ITPKC: variants seen among roughly 807,000 people sequenced by gnomAD.
The protein encoded by ITPKC is inositol-trisphosphate 3-kinase C.
A neutral mutation model predicts 67.1 loss-of-function variants in ITPKC; 33 were observed. The observed-to-expected ratio is 0.49, with a 90% CI of 0.37 to 0.66. The LOEUF (loss-of-function observed/expected upper bound fraction) is 0.66, where lower values mean the gene tolerates loss of function less well. Among genes scored for constraint, ITPKC ranks in the 30% least tolerant of loss-of-function variants. ITPKC has a pLI of 0.00. For missense variants in ITPKC, 820 were observed against 892.1 expected (o/e 0.92, Z 1.03); for synonymous variants, 341 against 359.8 (o/e 0.95, Z 0.59).
At chr19:40,725,293 C>A in intron 1 of ITPKC, 47 bp from the exon 2 acceptor site, 2 of 1,280,124 alleles carry the variant, frequency 1.6e-6, no homozygotes, top group Non-Finnish European at 2.3e-6. Flanking sequence ...CTAGCCCCTG[C>A]CTTCCCTGGC....
At position 40,722,009 on chromosome 19, in the gene ITPKC, A is replaced by C. The variant is rs1033031226; in HGVS notation, c.1156-3331A>C. On this transcript the variant is annotated intron_variant, in intron 1 of 6. Transcript: ENST00000263370. Reference sequence around the variant, plus strand: ...GAGTGAGATCCTGTCTCAAAAAAAAAAAAAATTACTATTAAAAAAATCCCA... The same window carrying C: ...GAGTGAGATCCTGTCTCAAAAAAAACAAAAATTACTATTAAAAAAATCCCA... Among the ~76,000 whole-genome samples, 4 of 151,792 alleles carry C rather than the reference A, an allele frequency of 2.6e-5. No homozygotes were observed. The Middle Eastern group carries it at 0.014, about 516-fold the overall frequency.
rs1440242955 is a variant in ITPKC at position 40,739,743 on chromosome 19, C to CCTGG, written c.*185_*188dup. 5 of 595,870 alleles carry CCTGG rather than the reference C, an allele frequency of 8.4e-6. No homozygotes were observed. Among genetic ancestry groups the CCTGG allele is most frequent in the Non-Finnish European group, 1.5e-5 (5 of 336,346 alleles). 36.9% of individuals were successfully genotyped at this position (595,870 alleles called of 1,614,324 possible). On this transcript the variant is annotated 3_prime_UTR_variant, in exon 7 of 7. Transcript: ENST00000263370. Reference sequence around the variant, plus strand: ...AAGGGCCTTGGGAGACCAGGTAGCACCTGGCCCCATCATGATGCAGGGGTT... The same window carrying CCTGG: ...AAGGGCCTTGGGAGACCAGGTAGCACCTGGCTGGCCCCATCATGATGCAGGGGTT...
chr19:40,729,137 C>A, intron 2 of ITPKC, 65 bp from the exon 3 acceptor site: 3 of 1,284,448 alleles, frequency 2.3e-6, no homozygotes, highest in Non-Finnish European at 2.3e-6. Context: ...TGCAAACAGG[C>A]AGCTGCGGAG....
chr19:40,718,370 C>T (rs1279194094), intron 1 of ITPKC, 80 bp downstream of exon 1: 13 of 1,463,534 alleles, frequency 8.9e-6, no homozygotes, highest in South Asian at 1.5e-5. Context: ...AAGTTCTCTA[C>T]CCATTTACTG....
Position 40,740,423 on chromosome 19 carries a change from T to C in ITPKC, c.*863T>C. ...GGTTCAGAGGCTGGGAAAGTGGGCC[T>C]CCCCTTGCAACTCAGAGCTGCTGCA... On this transcript the variant is annotated 3_prime_UTR_variant, in exon 7 of 7. Coordinates refer to ENST00000263370, the MANE Select transcript of ITPKC (RefSeq NM_025194.3). 5.5e-6 allele frequency: 1 copy of C among 183,472 alleles called. No homozygotes were observed. Among genetic ancestry groups the C allele is most frequent in the East Asian group, 1.3e-4 (1 of 7,964 alleles). The allele number at this position is 183,472 out of a possible 1,614,324, so 11.4% of individuals were successfully genotyped here.
intron 3 of ITPKC, among the ~76,000 whole-genome samples, chr19:40,731,617 T>TTTTTTTG (rs796649467): frequency 1.2e-4 from 16 of 135,354 alleles, no homozygotes; most frequent in Middle Eastern, 4.5e-3. Context: ...TTTTTTTTTT[T>TTTTTTTG]TTTGAGAGGG....
At chr19:40,731,101 G>A (rs1374391956) in intron 3 of ITPKC, among the ~76,000 whole-genome samples, 1 of 152,126 alleles carries the variant, frequency 6.6e-6, no homozygotes, top group Non-Finnish European at 1.5e-5. Flanking sequence ...AATAACTCAG[G>A]GGGATACTTA....
Position 40,740,665 on chromosome 19 carries a change from C to T in ITPKC, c.*1105C>T, listed in dbSNP as rs2082324856. 3.3e-6 allele frequency: 1 copy of T among 303,684 alleles called. No individual in the cohort carries two copies. Among genetic ancestry groups the T allele is most frequent in the Non-Finnish European group, 6.1e-6 (1 of 164,810 alleles). The allele number at this position is 303,684 out of a possible 1,614,324, so 18.8% of individuals were successfully genotyped here. A position where few individuals can be genotyped will look rare whatever the true frequency, so the allele number is the denominator to read the frequency against. Reference sequence around the variant, plus strand: ...GCTGGGCTGGCGGACAGGCACCTACCTCTTCCTTAAGCTGAAGCTCCCACA... The same window carrying T: ...GCTGGGCTGGCGGACAGGCACCTACTTCTTCCTTAAGCTGAAGCTCCCACA... On this transcript the variant is annotated 3_prime_UTR_variant, in exon 7 of 7. Coordinates refer to ENST00000263370, the MANE Select transcript of ITPKC (RefSeq NM_025194.3).
rs768488390 is a variant in ITPKC, at chr19:40,718,301, C to A, written c.1155+11C>A. The stretch of plus-strand genomic sequence containing the variant: ...GAGGACAGGTCTGGGGTGAGTGGGA[C>A]CCATCCTGCCCTTGAGCCACATCAC... On this transcript the variant is annotated intron_variant, in intron 1 of 6. Transcript: ENST00000263370. 6.7e-7 allele frequency: 1 copy of A among 1,500,600 alleles called. No homozygotes were observed. The highest frequency in any genetic ancestry group is 1.3e-5 in the South Asian group (1 of 74,156). 93.0% of individuals were successfully genotyped at this position (1,500,600 alleles called of 1,614,324 possible). A position where few individuals can be genotyped will look rare whatever the true frequency, so the allele number is the denominator to read the frequency against.
At chr19:40,724,434 G>A (rs1041284635) in intron 1 of ITPKC, among the ~76,000 whole-genome samples, 2 of 152,184 alleles carry the variant, frequency 1.3e-5, no homozygotes, top group African/African-American at 4.8e-5. Flanking sequence ...CCCAGTTCAG[G>A]AGGGCAGGGA....
intron 5 of ITPKC, 105 bp from the exon 6 acceptor site, chr19:40,737,593 A>T: frequency 1.0e-6 from 1 of 980,336 alleles, no homozygotes; most frequent in Non-Finnish European, 1.6e-6. Context: ...CATCCTGGCT[A>T]GAGCCTGCCT....
intron 1 of ITPKC, among the ~76,000 whole-genome samples, chr19:40,720,142 G>T (rs923045691): frequency 3.9e-5 from 6 of 151,940 alleles, no homozygotes; most frequent in Admixed American, 6.6e-5. Context: ...GAGGCAGGGG[G>T]ATCACCTAAG....
chr19:40,721,134 G>A (rs1308570096), intron 1 of ITPKC, among the ~76,000 whole-genome samples: 1 of 151,850 alleles, frequency 6.6e-6, no homozygotes, highest in Non-Finnish European at 1.5e-5. Flanking sequence ...TAGCTTTGCT[G>A]GGGAAACAGC....
intron 4 of ITPKC, 31 bp downstream of exon 4, chr19:40,733,395 G>T (rs528517968): frequency 5.1e-6 from 8 of 1,576,412 alleles, no homozygotes; most frequent in South Asian, 1.2e-5. Flanking sequence ...GGCCTGTCCC[G>T]GGAAGGCCTA....
At chr19:40,739,237 A>G (rs892509026) in intron 6 of ITPKC, 120 bp from the exon 7 acceptor site, 30 of 687,490 alleles carry the variant, frequency 4.4e-5, no homozygotes, top group Non-Finnish European at 4.9e-6. Context: ...CAGCCAGGAT[A>G]TGAATCAGGC....
At position 40,733,201 on chromosome 19, in the gene ITPKC, C is replaced by T; in HGVS notation, c.1511C>T (p.Pro504Leu). The change falls in exon 4 of 7, where the codon CCC (proline) becomes CTC (leucine). Residue 504 changes from proline to leucine, a missense_variant. Pro to Leu is a moderately conservative substitution (Grantham distance 98). Transcript: ENST00000263370. ...GAGCTAGTGAAGGCACGGGAACGTC[C>T]CCGTCCCCGGAAGGACATGTATGAG... ...EEELVKARER[P>L]RPRKDMYEKM... 6.2e-7 allele frequency: 1 copy of T among 1,614,204 alleles called. No homozygotes were observed. Among genetic ancestry groups the T allele is most frequent in the Non-Finnish European group, 8.5e-7 (1 of 1,180,024 alleles).
At chr19:40,728,977 G>C (rs1274651524) in intron 2 of ITPKC, among the ~76,000 whole-genome samples, 1 of 152,038 alleles carries the variant, frequency 6.6e-6, no homozygotes, top group African/African-American at 2.4e-5. Flanking sequence ...GCAGTGAGCC[G>C]AGATCGCACC....
chr19:40,731,609 T>G (rs946777113), intron 3 of ITPKC, among the ~76,000 whole-genome samples: 7 of 139,986 alleles, frequency 5.0e-5, no homozygotes, highest in African/African-American at 1.0e-4. Context: ...TTTTTTTTTT[T>G]TTTTTTTTTT....
At chr19:40,720,935 C>T (rs1453022108) in intron 1 of ITPKC, among the ~76,000 whole-genome samples, 1 of 151,906 alleles carries the variant, frequency 6.6e-6, no homozygotes, top group Non-Finnish European at 1.5e-5. Context: ...AAATTGTGTT[C>T]TCTTTCTTTT....
Sources: allele counts gnomAD v4.1 joint callset (sites outside exome capture counted in the v4.1 genomes callset), GRCh38; gene constraint gnomAD v4.1.1; transcripts MANE v1.5; gene names NCBI Gene and HGNC (gene_info 2026-07-23, HGNC 2026-07-21).